The following THNSL1 variants were observed in gnomAD, a reference collection of about 807,000 sequenced individuals.
THNSL1 encodes threonine synthase like 1.
THNSL1 carries 48 observed loss-of-function variants against 50.4 expected under a neutral mutation model. That is an observed-to-expected ratio of 0.95 (90% CI 0.76 to 1.21). The LOEUF is 1.21. Among genes scored for constraint, THNSL1 ranks in the 50% most tolerant of loss-of-function variants. The pLI is 0.00. For synonymous variants in THNSL1, 309 were observed against 306.1 expected, an observed-to-expected ratio of 1.01 and a Z score of -0.10; for missense variants, 896 against 871.7, an observed-to-expected ratio of 1.03 and a Z score of -0.35.
At chr10:25,019,032 A>G (rs1392504392) in intron 1 of THNSL1, among the ~76,000 whole-genome samples, 1 of 152,178 alleles carries the variant, frequency 6.6e-6, no homozygotes, top group East Asian at 1.9e-4. Context: ...GGCCCTCTGA[A>G]TGAAAAGTTT....
chr10:24,969,835 T>C, the THNSL1 span, among the ~76,000 whole-genome samples: 3 of 152,228 alleles, frequency 2.0e-5, no homozygotes, highest in Non-Finnish European at 4.4e-5. Flanking sequence ...CTAAGCTTGA[T>C]TGCCTTAGAA....
chr10:25,016,378 T>TCCTAGTAGAGACGGCAAAG (rs1420056244), upstream of THNSL1, among the ~76,000 whole-genome samples: 1 of 152,114 alleles, frequency 6.6e-6, no homozygotes, highest in African/African-American at 2.4e-5. Flanking sequence ...AAAAGAAAAA[T>TCCTAGTAGAGACGGCAAAG]CCTAGTAGAG....
the THNSL1 span, among the ~76,000 whole-genome samples, chr10:25,004,770 T>A: frequency 6.6e-6 from 1 of 152,216 alleles, no homozygotes; most frequent in Non-Finnish European, 1.5e-5. Flanking sequence ...TTTAATTAGA[T>A]CCCATATGTC....
chr10:25,023,425 A>C lies in THNSL1; in HGVS notation c.202A>C (p.Lys68Gln), dbSNP rs1362767358. 1.2e-6 allele frequency: 2 copies of C among 1,614,056 alleles called. No homozygotes were observed. The highest frequency in any genetic ancestry group is 2.7e-5 in the African/African-American group (2 of 74,936). Residue 68 changes from lysine to glutamine, a missense_variant, in exon 3 of 3, where the codon AAA becomes CAA. Coordinates refer to ENST00000376356, the MANE Select transcript of THNSL1 (RefSeq NM_024838.5). ...IILMGPPGAG[K>Q]TTVGRIIGQK... ...CCTGATGGGACCTCCTGGTGCTGGG[A>C]AAACAACAGTAGGCAGAATAATAGG...
At chr10:24,974,166 C>T in the THNSL1 span, among the ~76,000 whole-genome samples, 1 of 152,182 alleles carries the variant, frequency 6.6e-6, no homozygotes. Context: ...GGGCAGAAAT[C>T]AAACACCATA....
intron 2 of THNSL1, among the ~76,000 whole-genome samples, chr10:25,022,899 G>A (rs1850753236): frequency 6.6e-6 from 1 of 152,114 alleles, no homozygotes; most frequent in South Asian, 2.1e-4. Flanking sequence ...GGCACTTTGT[G>A]AATACAAGTT....
chr10:24,967,146 C>T, the THNSL1 span, among the ~76,000 whole-genome samples: 1 of 152,060 alleles, frequency 6.6e-6, no homozygotes, highest in African/African-American at 2.4e-5. Flanking sequence ...TTCAGAGCTC[C>T]TGAGTCTTCT....
intron 2 of THNSL1, 51 bp from the exon 3 acceptor site, chr10:25,023,125 A>T: frequency 8.4e-7 from 1 of 1,184,676 alleles, no homozygotes; most frequent in Non-Finnish European, 1.2e-6. Flanking sequence ...TACTGTAATT[A>T]GTAACCAAAT....
the THNSL1 span, among the ~76,000 whole-genome samples, chr10:24,987,622 T>C: frequency 2.6e-5 from 4 of 152,146 alleles, no homozygotes; most frequent in Non-Finnish European, 5.9e-5. Context: ...ATAAATTCTC[T>C]TCCAAGTCCT....
intron 2 of THNSL1, 146 bp from the exon 3 acceptor site, chr10:25,023,030 T>C: frequency 2.0e-6 from 1 of 499,828 alleles, no homozygotes; most frequent in Non-Finnish European, 3.4e-6. Flanking sequence ...AATACTTTTT[T>C]TAATTCCATA....
At chr10:24,973,723 GT>G in the THNSL1 span, among the ~76,000 whole-genome samples, 11 of 151,244 alleles carry the variant, frequency 7.3e-5, no homozygotes, top group African/African-American at 1.2e-4. Context: ...ATTGTTAGAG[GT>G]TTTTTTTTCC....
chr10:24,985,278 A>G, the THNSL1 span, among the ~76,000 whole-genome samples: 1 of 152,234 alleles, frequency 6.6e-6, no homozygotes, highest in Non-Finnish European at 1.5e-5. Context: ...AACATTTTTG[A>G]ACAGAAAATT....
rs1236736514 is a variant in THNSL1 at position 25,023,365 on chromosome 10, TC to T, written c.143del (p.Ser48Ter). On this transcript the variant is annotated frameshift_variant, in exon 3 of 3. Coordinates refer to ENST00000376356, the MANE Select transcript of THNSL1 (RefSeq NM_024838.5). LOFTEE classifies it high-confidence loss of function. Reference protein sequence around the residue: ...ALAELRKSWYSTHSLVGDKNI... With the variant: ...ALAELRKSWYXTHSLVGDKNI... The stretch of plus-strand genomic sequence containing the variant: ...TGCGGAATTGAGGAAGTCATGGTAT[TC>T]AACCCACTCTCTTGTTGGAGACAAA... 6.2e-7 allele frequency: 1 copy of T among 1,614,174 alleles called. No individual in the cohort carries two copies. The highest frequency in any genetic ancestry group is 1.1e-5 in the South Asian group (1 of 91,088).
upstream of THNSL1, chr10:25,016,040 C>T (rs1364781450): frequency 4.7e-6 from 7 of 1,483,042 alleles, no homozygotes; most frequent in Middle Eastern, 1.8e-4. Flanking sequence ...TCTTCTTCGC[C>T]TTCTGAAGGA....
chr10:24,960,626 C>T, the THNSL1 span, among the ~76,000 whole-genome samples: 1 of 152,022 alleles, frequency 6.6e-6, no homozygotes, highest in South Asian at 2.1e-4. Context: ...AGGGTTTTAC[C>T]ATGTTGGCCA....
At chr10:24,964,866 C>A in the THNSL1 span, among the ~76,000 whole-genome samples, 1 of 152,066 alleles carries the variant, frequency 6.6e-6, no homozygotes, top group Non-Finnish European at 1.5e-5. Flanking sequence ...AGTTCAAGAC[C>A]AGCCTGGGCA....
chr10:24,988,696 ATATATATATATATAT>A, the THNSL1 span, among the ~76,000 whole-genome samples: 3 of 34,552 alleles, frequency 8.7e-5, no homozygotes, highest in African/African-American at 4.2e-4. Flanking sequence ...ATATATATAT[ATATATATATATATAT>A]ATATATATAT....
chr10:24,955,339 C>A, the THNSL1 span, among the ~76,000 whole-genome samples: 2 of 152,312 alleles, frequency 1.3e-5, no homozygotes, highest in South Asian at 2.1e-4. Flanking sequence ...AGAGCCAAAC[C>A]ATATCACATG....
Position 25,023,626 on chromosome 10 carries a change from A to G in THNSL1, c.403A>G (p.Asn135Asp). The G allele has an allele frequency of 1.9e-6, 3 of 1,614,218 alleles. No individual in the cohort carries two copies. Among genetic ancestry groups the G allele is most frequent in the Non-Finnish European group, 2.5e-6 (3 of 1,180,028 alleles). ...AAGTGTGATTTCCCTTACTGGGTCC[A>G]ATCCAATGCATGATGCTAGCATGTG... ...SGSVISLTGS[N>D]PMHDASMWHL... Residue 135 changes from asparagine to aspartate, a missense_variant, in exon 3 of 3, where the codon AAT becomes GAT. By Grantham distance (23) the Asn-to-Asp change is conservative. Coordinates refer to ENST00000376356, the MANE Select transcript of THNSL1 (RefSeq NM_024838.5).
Sources: gnomAD v4.1 joint callset for allele counts (sites outside exome capture counted in the v4.1 genomes callset) on GRCh38, gnomAD v4.1.1 for gene constraint, MANE v1.5 for transcripts, NCBI Gene and HGNC (gene_info 2026-07-23, HGNC 2026-07-21) for gene names.